Variants in C12orf42 observed in about 807,000 individuals in gnomAD.
The protein encoded by C12orf42 is chromosome 12 open reading frame 42.
In C12orf42, 25 loss-of-function variants were observed where a neutral mutation model predicts 21.6. That is an observed-to-expected ratio of 1.16 (90% CI 0.84 to 1.62). The LOEUF (loss-of-function observed/expected upper bound fraction) is 1.62, where lower values mean the gene tolerates loss of function less well. C12orf42 is among the 40% of genes most tolerant of loss of function. The pLI is 0.00. For missense variants in C12orf42, 483 were observed against 459.3 expected, an observed-to-expected ratio of 1.05 and a Z score of -0.47; for synonymous variants, 174 against 175.0, an observed-to-expected ratio of 0.99 and a Z score of 0.05.
the C12orf42 span, among the ~76,000 whole-genome samples, chr12:103,228,277 G>A: frequency 6.6e-6 from 1 of 152,174 alleles, no homozygotes; most frequent in Admixed American, 6.5e-5. Flanking sequence ...AGTCAAAGGG[G>A]GTTTGTTCTC....
chr12:103,110,095 A>G, the C12orf42 span, among the ~76,000 whole-genome samples: 1 of 152,332 alleles, frequency 6.6e-6, no homozygotes, highest in East Asian at 1.9e-4. Context: ...TTCAGTGTCA[A>G]GGTTTGCATG....
At chr12:103,059,183 G>A in the C12orf42 span, among the ~76,000 whole-genome samples, 3 of 152,162 alleles carry the variant, frequency 2.0e-5, no homozygotes, top group Non-Finnish European at 4.4e-5. Context: ...TACTATCAGA[G>A]AATACTGTAA....
At chr12:103,483,898 G>A (rs1954644096) in intron 1 of C12orf42, among the ~76,000 whole-genome samples, 1 of 152,134 alleles carries the variant, frequency 6.6e-6, no homozygotes, top group Admixed American at 6.5e-5. Context: ...ACCTATGAGT[G>A]AGAATATGCA....
chr12:103,368,506 T>A (rs1192158303), intron 4 of C12orf42, among the ~76,000 whole-genome samples: 1 of 152,020 alleles, frequency 6.6e-6, no homozygotes, highest in Non-Finnish European at 1.5e-5. Flanking sequence ...GGATAAGCAG[T>A]AGAGACTGTT....
At chr12:103,482,788 GTTTAT>G (rs1954562781) in intron 1 of C12orf42, among the ~76,000 whole-genome samples, 1 of 150,874 alleles carries the variant, frequency 6.6e-6, no homozygotes, top group East Asian at 1.9e-4. Flanking sequence ...TATTCTTTTT[GTTTAT>G]TTTTTCTTTT....
intron 4 of C12orf42, among the ~76,000 whole-genome samples, chr12:103,319,640 C>A (rs750221440): frequency 6.6e-6 from 1 of 152,202 alleles, no homozygotes; most frequent in Non-Finnish European, 1.5e-5. Context: ...CAGAACCAAA[C>A]AATATTTCTA....
intron 2 of C12orf42, among the ~76,000 whole-genome samples, chr12:103,436,143 G>T (rs1244847133): frequency 6.6e-6 from 1 of 151,398 alleles, no homozygotes; most frequent in African/African-American, 2.4e-5. Flanking sequence ...TTCATATCCA[G>T]CCAAACTAAG....
At chr12:103,462,114 TTTTTTTTTTTG>T (rs1952768261) in intron 2 of C12orf42, among the ~76,000 whole-genome samples, 1 of 100,002 alleles carries the variant, frequency 1.0e-5, no homozygotes, top group Non-Finnish European at 2.0e-5. Flanking sequence ...TTTTTTTTTT[TTTTTTTTTTTG>T]AGACAGAGTT....
At chr12:103,474,854 C>A (rs2137947940) in intron 2 of C12orf42, among the ~76,000 whole-genome samples, 1 of 152,280 alleles carries the variant, frequency 6.6e-6, no homozygotes, top group South Asian at 2.1e-4. Flanking sequence ...GGAAAGGTAG[C>A]TGGATTTTGA....
At chr12:103,381,129 C>T (rs188737382) in intron 3 of C12orf42, among the ~76,000 whole-genome samples, 71 of 152,314 alleles carry the variant, frequency 4.7e-4, no homozygotes, top group Admixed American at 2.1e-3. Context: ...TATTAGGACT[C>T]GTCAGAGTAG....
Position 103,322,131 on chromosome 12 carries a change from A to G in C12orf42, c.260-15786T>C, listed in dbSNP as rs936877267. 1.9e-4 allele frequency among the ~76,000 whole-genome samples: 24 copies of G among 129,256 alleles called. 1 individual carries two copies. The highest frequency in any genetic ancestry group is 1.1e-3 in the South Asian group (5 of 4,698). 84.8% of individuals were successfully genotyped at this position (129,256 alleles called of 152,430 possible). On this transcript the variant is annotated intron_variant, in intron 4 of 5. Transcript: ENST00000548883. ...CGTGCGTGCGCGCGCGCGCGCACACACACACACACACACACACACGCACAC... is the reference window on the plus strand; with the variant it reads ...CGTGCGTGCGCGCGCGCGCGCACACGCACACACACACACACACACGCACAC...
At chr12:103,398,779 T>C (rs2047741518) in intron 3 of C12orf42, among the ~76,000 whole-genome samples, 1 of 152,178 alleles carries the variant, frequency 6.6e-6, no homozygotes, top group South Asian at 2.1e-4. Context: ...ATATCCTTTC[T>C]TTTGTATATC....
the C12orf42 span, among the ~76,000 whole-genome samples, chr12:103,220,262 G>T: frequency 6.6e-6 from 1 of 152,254 alleles, no homozygotes; most frequent in East Asian, 1.9e-4. Context: ...GCCTCTCAGG[G>T]GGTGGGATAG....
At chr12:103,296,919 C>T (rs1280158604) in intron 4 of C12orf42, among the ~76,000 whole-genome samples, 1 of 152,198 alleles carries the variant, frequency 6.6e-6, no homozygotes, top group Non-Finnish European at 1.5e-5. Flanking sequence ...GTGTTTTAGA[C>T]ATGAAGTCCT....
chr12:103,554,420 C>T, the C12orf42 span, among the ~76,000 whole-genome samples: 56 of 152,186 alleles, frequency 3.7e-4, 5 homozygotes, highest in East Asian at 0.011. Flanking sequence ...ATGCTAAAGA[C>T]CAATAATTAT....
the C12orf42 span, among the ~76,000 whole-genome samples, chr12:103,132,976 T>G: frequency 6.6e-6 from 1 of 152,152 alleles, no homozygotes; most frequent in African/African-American, 2.4e-5. Context: ...CCTACCATAG[T>G]AAGTGCCTGC....
At chr12:103,191,762 A>G in the C12orf42 span, among the ~76,000 whole-genome samples, 1 of 145,682 alleles carries the variant, frequency 6.9e-6, no homozygotes, top group Non-Finnish European at 1.5e-5. Context: ...AAAAAAAAAG[A>G]AAAGAAAAGA....
At chr12:103,473,593 C>A (rs1321707000) in intron 2 of C12orf42, among the ~76,000 whole-genome samples, 1 of 152,184 alleles carries the variant, frequency 6.6e-6, no homozygotes, top group Non-Finnish European at 1.5e-5. Context: ...CAAGTTTTAC[C>A]ATGTTTCTAT....
At chr12:103,540,406 T>A in the C12orf42 span, among the ~76,000 whole-genome samples, 1 of 152,154 alleles carries the variant, frequency 6.6e-6, no homozygotes, top group African/African-American at 2.4e-5. Flanking sequence ...TGTTAAAATA[T>A]CCCTAGTATG....
Sources: gnomAD v4.1 joint callset for allele counts (sites outside exome capture counted in the v4.1 genomes callset) on GRCh38, gnomAD v4.1.1 for gene constraint, MANE v1.5 for transcripts, NCBI Gene and HGNC (gene_info 2026-07-23, HGNC 2026-07-21) for gene names.